PNISR: variants seen among roughly 807,000 people sequenced by gnomAD.
PNISR encodes PNN interacting serine and arginine rich protein, also known as arginine/serine-rich protein PNISR.
A neutral mutation model predicts 93.4 loss-of-function variants in PNISR; 20 were observed. The observed-to-expected ratio is 0.21, with a 90% confidence interval of 0.15 to 0.31. The LOEUF (loss-of-function observed/expected upper bound fraction) is 0.31. Among genes scored for constraint, PNISR ranks in the 10% least tolerant of loss-of-function variants. The pLI is 1.00. For missense variants in PNISR, 893 were observed against 985.4 expected (o/e 0.91, Z 1.25); for synonymous variants, 305 against 306.5 (o/e 0.99, Z 0.05).
intron 4 of PNISR, chr6:99,412,043 A>C (rs1250975777): frequency 3.2e-6 from 1 of 312,286 alleles, no homozygotes; most frequent in Non-Finnish European, 6.4e-6. Flanking sequence ...GAAATAAAAC[A>C]AACAAAAAAG....
chr6:99,404,770 A>C (rs1775941402), intron 8 of PNISR, 68 bp from the exon 9 acceptor site: 2 of 812,496 alleles, frequency 2.5e-6, no homozygotes, highest in East Asian at 5.2e-5. Context: ...ATCTTCAAAA[A>C]TATTAAAATG....
chr6:99,416,462 A>T (rs1777714115), intron 1 of PNISR, 34 bp from the exon 2 acceptor site: 2 of 683,078 alleles, frequency 2.9e-6, no homozygotes, highest in East Asian at 3.4e-5. Flanking sequence ...CTGCTTATAG[A>T]TTATCATGAT....
intron 3 of PNISR, among the ~76,000 whole-genome samples, chr6:99,413,020 T>C (rs1206829756): frequency 1.3e-5 from 2 of 152,176 alleles, no homozygotes; most frequent in Non-Finnish European, 2.9e-5. Context: ...TCTTAACCCA[T>C]TTCTAATATT....
chr6:99,413,225 T>C (rs1229773223), intron 3 of PNISR, among the ~76,000 whole-genome samples: 2 of 152,194 alleles, frequency 1.3e-5, no homozygotes, highest in African/African-American at 4.8e-5. Context: ...CTGTTTTTCC[T>C]TATGGTTGCC....
In PNISR at chr6:99,406,167, T is replaced by A; in HGVS notation, c.866A>T (p.Asp289Val). 1 of 1,603,954 alleles carries A rather than the reference T, an allele frequency of 6.2e-7. No individual in the cohort carries two copies. The highest frequency in any genetic ancestry group is 8.5e-7 in the Non-Finnish European group (1 of 1,172,284). ...AGTGTCTTCTTCTTCCTCATCACTA[T>A]CCTATAAAAAACAATAGTATGGTAG... Reference protein sequence around the residue: ...GPRLPQRSKFDSDEEEEDTEN... With the variant: ...GPRLPQRSKFVSDEEEEDTEN... The change falls in exon 8 of 12, where the codon GAT becomes GTT. Residue 289 changes from aspartate (D) to valine (V), a missense_variant and splice_region_variant. By Grantham distance (152) the Asp-to-Val change is radical. This residue lies in a region of PNISR where 866 missense variants were observed against 935.1 expected (regional missense o/e 0.93). Transcript: ENST00000369239.
intron 1 of PNISR, among the ~76,000 whole-genome samples, chr6:99,424,308 C>T (rs1030450594): frequency 2.6e-5 from 4 of 152,078 alleles, no homozygotes; most frequent in Non-Finnish European, 5.9e-5. Flanking sequence ...ATGTACCATA[C>T]TAACATCTAT....
chr6:99,404,674 T>C lies in PNISR; in HGVS notation c.1031A>G (p.Glu344Gly), dbSNP rs1775921223. The C allele has an allele frequency of 6.2e-7, 1 of 1,600,976 alleles. No individual in the cohort carries two copies. Among genetic ancestry groups the C allele is most frequent in the East Asian group, 2.2e-5 (1 of 44,784 alleles). ...TTCATCTGTGACATCCAGCAGAATTTCTGTTAGAAGCATTTTTGTCAGCAA... is the reference window on the plus strand; with the variant it reads ...TTCATCTGTGACATCCAGCAGAATTCCTGTTAGAAGCATTTTTGTCAGCAA... ...MMLLTKMLLT[E>G]ILLDVTDEEI... Residue 344 changes from glutamate to glycine, a missense_variant, in exon 9 of 12, where the codon GAA becomes GGA. Glu to Gly is a moderately conservative substitution (Grantham distance 98). Coordinates refer to ENST00000369239, the MANE Select transcript of PNISR (RefSeq NM_032870.4).
At chr6:99,401,759 G>T in intron 11 of PNISR, 129 bp from the exon 12 acceptor site, 1 of 650,178 alleles carries the variant, frequency 1.5e-6, no homozygotes, top group Non-Finnish European at 2.2e-6. Flanking sequence ...AGCCATGTAA[G>T]TAATTCAAAA....
Position 99,400,572 on chromosome 6 carries a change from G to T in PNISR, c.2386C>A (p.Arg796Ser). ...KSQRSGKKASRKHKSKSRSR is the reference protein window; with the variant it reads ...KSQRSGKKASSKHKSKSRSR Reference sequence around the variant, plus strand: ...GATCGGGACTTAGACTTGTGTTTGCGGCTTGCCTTCTTACCAGACCTTTGA... The same window carrying T: ...GATCGGGACTTAGACTTGTGTTTGCTGCTTGCCTTCTTACCAGACCTTTGA... Residue 796 changes from arginine to serine, a missense_variant, in exon 12 of 12, where the codon CGC (arginine) becomes AGC (serine). Transcript: ENST00000369239. 6.2e-7 allele frequency: 1 copy of T among 1,613,844 alleles called. No individual in the cohort carries two copies. Among genetic ancestry groups the T allele is most frequent in the South Asian group, 1.1e-5 (1 of 91,058 alleles).
chr6:99,417,506 C>T (rs768174157), intron 1 of PNISR, among the ~76,000 whole-genome samples: 5 of 152,076 alleles, frequency 3.3e-5, no homozygotes, highest in Non-Finnish European at 4.4e-5. Flanking sequence ...AAACAGAAGA[C>T]CTAAATGTCT....
Position 99,398,784 on chromosome 6 carries a change from ACT to A in PNISR, c.*1754_*1755del, listed in dbSNP as rs1391048946. On this transcript the variant is annotated 3_prime_UTR_variant, in exon 12 of 12. Coordinates refer to ENST00000369239, the MANE Select transcript of PNISR (RefSeq NM_032870.4). Reference sequence around the variant, plus strand: ...ATCAGATAATTCTGCAATTAGGTACACTGTGTTAGCTCGCCTACATAAAAAAT... The same window carrying A: ...ATCAGATAATTCTGCAATTAGGTACAGTGTTAGCTCGCCTACATAAAAAAT... The A allele has an allele frequency of 6.6e-6, 1 of 152,122 alleles. No homozygotes were observed. The highest frequency in any genetic ancestry group is 1.5e-5 in the Non-Finnish European group (1 of 67,954). 9.4% of individuals were successfully genotyped at this position (152,122 alleles called of 1,614,324 possible).
rs1775690485 is a variant in PNISR at position 99,402,837 on chromosome 6, G to A, written c.1157-127C>T. On this transcript the variant is annotated intron_variant, in intron 10 of 11. Coordinates refer to ENST00000369239, the MANE Select transcript of PNISR (RefSeq NM_032870.4). ...TTTCCCAGAAGAATACGCTTATTCGGGGTGGGGAGAAGTATACATTCAAAC... is the reference window on the plus strand; with the variant it reads ...TTTCCCAGAAGAATACGCTTATTCGAGGTGGGGAGAAGTATACATTCAAAC... 7.6e-6 allele frequency: 5 copies of A among 657,004 alleles called. No homozygotes were observed. The South Asian group carries it at 1.1e-4, about 14-fold the overall frequency. 40.7% of individuals were successfully genotyped at this position (657,004 alleles called of 1,614,324 possible).
rs201547496 is a variant in PNISR at position 99,410,927 on chromosome 6, T to C, written c.315A>G (p.Pro105=). Residue 105 remains proline (P), a synonymous_variant, in exon 5 of 12, where the codon CCA becomes CCG. Coordinates refer to ENST00000369239, the MANE Select transcript of PNISR (RefSeq NM_032870.4). The part of the protein sequence containing the change: ...GMHQQPPHPP[P]DQPWMPPTPG... ...GTGTTGGTGGCATCCATGGCTGATC[T>C]GGAGGGGGGTGTGGGGGTTGCTGAT... is the stretch of plus-strand genomic sequence containing the variant. 334 of 1,614,052 alleles carry C rather than the reference T, an allele frequency of 2.1e-4. 6 individuals are homozygous for C. The East Asian group carries it at 7.4e-3, about 36-fold the overall frequency.
Position 99,400,903 on chromosome 6 carries a change from T to C in PNISR, c.2055A>G (p.Glu685=), listed in dbSNP as rs1411923393. 1.9e-6 allele frequency: 3 copies of C among 1,567,966 alleles called. No individual in the cohort carries two copies. The highest frequency in any genetic ancestry group is 2.6e-6 in the Non-Finnish European group (3 of 1,141,142). ...TCTCTTTTCTTTTATCCTGTTCACG[T>C]TCCCTTTCTTTGTCTTTCTTTTTCC... ...KDRKKKDKER[E]REQDKRKEKQ... is the part of the protein sequence containing the mutation. The change falls in exon 12 of 12, where the codon GAA becomes GAG. Residue 685 remains glutamate, a synonymous_variant. Transcript: ENST00000369239.
chr6:99,405,913 C>T lies in PNISR; in HGVS notation c.1002+118G>A, dbSNP rs1582781935. 8.5e-6 allele frequency: 5 copies of T among 585,672 alleles called. No individual in the cohort carries two copies. In the East Asian group the frequency reaches 1.5e-4, roughly 17 times the overall value. The allele number at this position is 585,672 out of a possible 1,614,324, so 36.3% of individuals were successfully genotyped here. ...TTGTTTTAAGTTAAAAGGAGTATCTCTTCAATTAATAATACTGGTCAGCAG... is the reference window on the plus strand; with the variant it reads ...TTGTTTTAAGTTAAAAGGAGTATCTTTTCAATTAATAATACTGGTCAGCAG... On this transcript the variant is annotated intron_variant, in intron 8 of 11. Coordinates refer to ENST00000369239, the MANE Select transcript of PNISR (RefSeq NM_032870.4).
intron 1 of PNISR, among the ~76,000 whole-genome samples, chr6:99,423,356 G>T (rs1178715583): frequency 1.3e-5 from 2 of 152,276 alleles, no homozygotes; most frequent in Middle Eastern, 3.4e-3. Flanking sequence ...CTCCCACAGA[G>T]AATTCCAAAT....
intron 1 of PNISR, among the ~76,000 whole-genome samples, chr6:99,423,295 TA>T (rs2128499266): frequency 6.6e-6 from 1 of 152,198 alleles, no homozygotes; most frequent in East Asian, 1.9e-4. Context: ...CACAAGCCCA[TA>T]AGGATATGAT....
intron 1 of PNISR, among the ~76,000 whole-genome samples, chr6:99,421,950 C>A (rs1778620662): frequency 6.6e-6 from 1 of 151,940 alleles, no homozygotes; most frequent in Non-Finnish European, 1.5e-5. Flanking sequence ...ACGGCAACCT[C>A]CACCTCCCAG....
At chr6:99,404,531 A>G (rs767389571) in intron 9 of PNISR, 72 bp downstream of exon 9, 4 of 803,138 alleles carry the variant, frequency 5.0e-6, no homozygotes, top group Non-Finnish European at 9.0e-6. Flanking sequence ...CAAGGACAAC[A>G]AAAAAAGGCC....
Sources: gnomAD v4.1 joint callset for allele counts (sites outside exome capture counted in the v4.1 genomes callset) on GRCh38, gnomAD v4.1.1 for gene constraint, gnomAD v4.1.1 regional missense constraint, MANE v1.5 for transcripts, NCBI Gene and HGNC (gene_info 2026-07-23, HGNC 2026-07-21) for gene names.